The following TMPRSS13 variants were observed in gnomAD, a reference collection of about 807,000 sequenced individuals.
The protein encoded by TMPRSS13 is transmembrane protease serine 13.
In TMPRSS13, 50 loss-of-function variants were observed where a neutral mutation model predicts 68.4. The ratio of observed to expected loss-of-function variants is 0.73; its 90% CI spans 0.58 to 0.93. The LOEUF is 0.93. Among genes scored for constraint, TMPRSS13 ranks in the 40% least tolerant of loss-of-function variants. The probability of loss-of-function intolerance (pLI) is 0.00; values close to 1 mark genes in which losing one functional copy is unlikely to be tolerated. For missense variants in TMPRSS13, 615 were observed against 729.2 expected, an observed-to-expected ratio of 0.84 and a Z score of 1.80; for synonymous variants, 267 against 285.8, an observed-to-expected ratio of 0.93 and a Z score of 0.66.
chr11:117,909,048 C>G (rs959985465), intron 8 of TMPRSS13, among the ~76,000 whole-genome samples: 26 of 152,134 alleles, frequency 1.7e-4, no homozygotes, highest in South Asian at 2.1e-4. Context: ...GCACTCCCCC[C>G]CCACTATCTC....
chr11:117,902,315 G>C (rs776938912), intron 12 of TMPRSS13, 50 bp from the exon 13 acceptor site: 3 of 1,609,108 alleles, frequency 1.9e-6, no homozygotes, highest in Non-Finnish European at 2.6e-6. Context: ...GGTGGGCGAG[G>C]AGCACAGAAG....
chr11:117,918,376 T>C, intron 2 of TMPRSS13, 33 bp downstream of exon 2: 3 of 1,601,190 alleles, frequency 1.9e-6, no homozygotes, highest in Non-Finnish European at 2.6e-6. Flanking sequence ...CTGCTTCCCA[T>C]CTCTCGTGGC....
chr11:117,906,840 T>G (rs1028723599), intron 9 of TMPRSS13, among the ~76,000 whole-genome samples: 1 of 152,178 alleles, frequency 6.6e-6, no homozygotes, highest in Non-Finnish European at 1.5e-5. Flanking sequence ...CAGTGAACTT[T>G]CACAAGCAAA....
intron 1 of TMPRSS13, among the ~76,000 whole-genome samples, chr11:117,924,935 C>T (rs1339640722): frequency 6.6e-6 from 1 of 152,142 alleles, no homozygotes; most frequent in Non-Finnish European, 1.5e-5. Flanking sequence ...TGGAAGGGGC[C>T]AGAGCTGCAG....
intron 1 of TMPRSS13, 79 bp downstream of exon 1, chr11:117,929,208 T>C (rs7928668): frequency 0.55 from 693,318 of 1,251,626 alleles, 193,993 homozygotes; most frequent in African/African-American, 0.68. Context: ...CAGAGGTAGC[T>C]GTCCCACCTG....
At chr11:117,907,893 A>AG (rs1565346077) in intron 9 of TMPRSS13, 4 of 693,884 alleles carry the variant, frequency 5.8e-6, no homozygotes, top group Non-Finnish European at 6.6e-6. Context: ...TGGATGAATG[A>AG]TGAGTGAATG....
rs2057527476 is a variant in TMPRSS13 at position 117,911,933 on chromosome 11, A to G, written c.810-73T>C. The G allele has an allele frequency of 5.0e-6, 6 of 1,209,286 alleles. No homozygotes were observed. The Admixed American group carries it at 7.2e-5, about 15-fold the overall frequency. The allele number at this position is 1,209,286 out of a possible 1,614,324, so 74.9% of individuals were successfully genotyped here. A position where few individuals can be genotyped will look rare whatever the true frequency, so the allele number is the denominator to read the frequency against. On this transcript the variant is annotated intron_variant, in intron 5 of 12. Coordinates refer to ENST00000524993, the MANE Select transcript of TMPRSS13 (RefSeq NM_001077263.3). ...CATCCCAAGTCCTCCAGCAGGCTAGAGCCCCACCAGCCCTGCCGACAGAGG... is the reference window on the plus strand; with the variant it reads ...CATCCCAAGTCCTCCAGCAGGCTAGGGCCCCACCAGCCCTGCCGACAGAGG...
chr11:117,914,585 A>G lies in TMPRSS13; in HGVS notation c.557-71T>C. The stretch of plus-strand genomic sequence containing the variant: ...AGATGAGACACTGAGCAGCCCAAGG[A>G]CCTGGGGGTTCTGAGACACCGACCT... On this transcript the variant is annotated intron_variant, in intron 3 of 12. Transcript: ENST00000524993. This position sits in a 1 kb window ranked among gnomAD's most constrained non-coding sequence, Gnocchi z 4.2. 1 of 1,594,710 alleles carries G rather than the reference A, an allele frequency of 6.3e-7. No individual in the cohort carries two copies. Among genetic ancestry groups the G allele is most frequent in the Middle Eastern group, 1.7e-4 (1 of 5,970 alleles).
rs1229907361 is a variant in TMPRSS13 at position 117,902,973 on chromosome 11, G to C, written c.1677+682C>G. 4 of 1,017,794 alleles carry C rather than the reference G, an allele frequency of 3.9e-6. No homozygotes were observed. The African/African-American group carries it at 7.0e-5, about 18-fold the overall frequency. The allele number at this position is 1,017,794 out of a possible 1,614,324, so 63.0% of individuals were successfully genotyped here. ...GTAAGGCACACACTGAAGGGTCTGT[G>C]GTTCAGTTTGACCTGAGCAATGACT... is the stretch of plus-strand genomic sequence containing the variant. On this transcript the variant is annotated intron_variant, in intron 12 of 12. Transcript: ENST00000524993.
At position 117,913,775 on chromosome 11, in the gene TMPRSS13, A is replaced by T. The variant is rs1481560114; in HGVS notation, c.809+2T>A. ...GGACTCTGGGGCCAGGTTGGGGGTT[A>T]CCTCTCGAAACCCAGCTGCTGGCAG... On this transcript the variant is annotated splice_donor_variant, in intron 5 of 12. Transcript: ENST00000524993. LOFTEE classifies it high-confidence loss of function. The T allele has an allele frequency of 6.2e-7, 1 of 1,613,874 alleles. No homozygotes were observed. The highest frequency in any genetic ancestry group is 1.1e-5 in the South Asian group (1 of 91,054).
intron 9 of TMPRSS13, chr11:117,907,936 C>A: frequency 1.0e-6 from 1 of 986,208 alleles, no homozygotes; most frequent in Non-Finnish European, 1.2e-6. Context: ...TCTTTGACGT[C>A]CCCTGTCCAC....
chr11:117,924,034 G>A lies in TMPRSS13; in HGVS notation c.22-5196C>T, dbSNP rs144804923. On this transcript the variant is annotated intron_variant, in intron 1 of 12. Transcript: ENST00000524993. ...GGGTTGGGCATATCACAGGCTGTCA[G>A]AGTTGCAAAGATTCTGAAAACCCTC... 2.5e-3 allele frequency among the ~76,000 whole-genome samples: 387 copies of A among 151,860 alleles called. 1 individual carries two copies. The highest frequency in any genetic ancestry group is 8.8e-3 in the African/African-American group (365 of 41,410).
At chr11:117,921,593 G>C (rs2057649313) in intron 1 of TMPRSS13, among the ~76,000 whole-genome samples, 1 of 152,238 alleles carries the variant, frequency 6.6e-6, no homozygotes, top group African/African-American at 2.4e-5. Context: ...GGAGAAGGGA[G>C]TCAGACCAGA....
At chr11:117,908,220 A>G (rs2057482980) in intron 9 of TMPRSS13, 2 of 518,576 alleles carry the variant, frequency 3.9e-6, no homozygotes, top group African/African-American at 1.9e-5. Flanking sequence ...AATGAAGTTA[A>G]TAATAGTGCC....
Position 117,917,171 on chromosome 11 carries a change from G to T in TMPRSS13, c.555C>A (p.Leu185=). ...CCCTGCACCCTCCATTCAACTCACA[G>T]AGGATGATGAGCGAAACCACCAGGG... The part of the protein sequence containing the change: ...LIALVVSLII[L]FQFWQGHTGI... Residue 185 remains leucine, a splice_region_variant and synonymous_variant, in exon 3 of 13, where the codon CTC becomes CTA. Coordinates refer to ENST00000524993, the MANE Select transcript of TMPRSS13 (RefSeq NM_001077263.3). 6.2e-7 allele frequency: 1 copy of T among 1,611,256 alleles called. No homozygotes were observed.
chr11:117,905,184 G>C (rs1304622321), intron 10 of TMPRSS13, among the ~76,000 whole-genome samples: 1 of 151,416 alleles, frequency 6.6e-6, no homozygotes, highest in Non-Finnish European at 1.5e-5. Flanking sequence ...TGTAAGCTAC[G>C]GTGCCCGGCC....
In TMPRSS13 at chr11:117,908,725, T is replaced by C. The variant is rs1377304928; in HGVS notation, c.1169A>G (p.Gln390Arg). 1.2e-6 allele frequency: 2 copies of C among 1,608,668 alleles called. No individual in the cohort carries two copies. The highest frequency in any genetic ancestry group is 1.7e-5 in the Admixed American group (1 of 59,356). The change falls in exon 9 of 13, where the codon CAG becomes CGG. Residue 390 changes from glutamine to arginine, a missense_variant. Coordinates refer to ENST00000524993, the MANE Select transcript of TMPRSS13 (RefSeq NM_001077263.3). Reference sequence around the variant, plus strand: ...GGCAATGGAGGCTGCCTCAGGCAACTGGTGCAGGTTGCTGGTGCCCGCGTA... The same window carrying C: ...GGCAATGGAGGCTGCCTCAGGCAACCGGTGCAGGTTGCTGGTGCCCGCGTA... Reference protein sequence around the residue: ...KVYAGTSNLHQLPEAASIAEI... With the variant: ...KVYAGTSNLHRLPEAASIAEI...
chr11:117,902,260 C>A lies in TMPRSS13; in HGVS notation c.1683G>T (p.Glu561Asp), dbSNP rs1396337199. ...CTGGTTAGGATTTTCTGAATCGCAC[C>A]TCGCTCTGAGGAAGAGAATGGGAGA... ...LPWIYSKMESEVRFRKS is the reference protein window; with the variant it reads ...LPWIYSKMESDVRFRKS The change falls in exon 13 of 13, where the codon GAG becomes GAT. Residue 561 changes from glutamate to aspartate, a missense_variant. Coordinates refer to ENST00000524993, the MANE Select transcript of TMPRSS13 (RefSeq NM_001077263.3). 1 of 1,613,442 alleles carries A rather than the reference C, an allele frequency of 6.2e-7. No homozygotes were observed. Among genetic ancestry groups the A allele is most frequent in the Non-Finnish European group, 8.5e-7 (1 of 1,179,864 alleles).
chr11:117,905,373 T>C (rs1228798121), intron 10 of TMPRSS13, among the ~76,000 whole-genome samples: 1 of 152,050 alleles, frequency 6.6e-6, no homozygotes, highest in African/African-American at 2.4e-5. Context: ...TCTCTCTCAT[T>C]GCAATGAGCA....
Sources: gnomAD v4.1 joint callset for allele counts (sites outside exome capture counted in the v4.1 genomes callset) on GRCh38, gnomAD v4.1.1 for gene constraint, Gnocchi (gnomAD v3.1) non-coding constraint, MANE v1.5 for transcripts, NCBI Gene and HGNC (gene_info 2026-07-23, HGNC 2026-07-21) for gene names.